The following EIF4ENIF1 variants were observed in gnomAD, a reference collection of about 807,000 sequenced individuals.
The protein encoded by EIF4ENIF1 is eukaryotic translation initiation factor 4E transporter.
A neutral mutation model predicts 110.5 loss-of-function variants in EIF4ENIF1; 23 were observed. The observed-to-expected ratio is 0.21, with a 90% CI of 0.15 to 0.29. The LOEUF is 0.29. Ranked by LOEUF, EIF4ENIF1 falls within the 10% of genes least tolerant of loss-of-function variation. The pLI, the probability that EIF4ENIF1 is intolerant of heterozygous loss-of-function variation, is 1.00. For synonymous variants in EIF4ENIF1, 440 were observed against 437.0 expected, an observed-to-expected ratio of 1.01 and a Z score of -0.09; for missense variants, 1,031 against 1,221.1, an observed-to-expected ratio of 0.84 and a Z score of 2.32.
At chr22:31,458,705 C>G in intron 6 of EIF4ENIF1, 55 bp from the exon 7 acceptor site, 1 of 1,467,862 alleles carries the variant, frequency 6.8e-7, no homozygotes, top group Non-Finnish European at 9.1e-7. Flanking sequence ...TCCAGTGTCC[C>G]TCTGTGGCTT....
chr22:31,449,634 C>CAGTTGAGCATGAGGGAG, intron 11 of EIF4ENIF1, 103 bp from the exon 12 acceptor site: 1 of 1,029,796 alleles, frequency 9.7e-7, no homozygotes, highest in Non-Finnish European at 1.4e-6. Flanking sequence ...GGATCTCCCT[C>CAGTTGAGCATGAGGGAG]ATGCTCAACT....
In EIF4ENIF1 at chr22:31,477,841, C is replaced by G. The variant is rs558725157; in HGVS notation, c.97-5924G>C. ...AGTGGCAGGGAGTCACTGTAAACAT[C>G]TAGGTAAACAGTATTTACTGTTCTT... On this transcript the variant is annotated intron_variant, in intron 2 of 18. Coordinates refer to ENST00000330125, the MANE Select transcript of EIF4ENIF1 (RefSeq NM_019843.4). Among the ~76,000 whole-genome samples, 3 of 152,278 alleles carry G rather than the reference C, an allele frequency of 2.0e-5. No individual in the cohort carries two copies. The South Asian group carries it at 6.2e-4, about 32-fold the overall frequency.
intron 2 of EIF4ENIF1, among the ~76,000 whole-genome samples, chr22:31,476,021 G>C (rs1471283463): frequency 1.3e-5 from 2 of 152,110 alleles, no homozygotes; most frequent in African/African-American, 2.4e-5. Context: ...CTGTAACACA[G>C]AAATCCTAAG....
upstream of EIF4ENIF1, among the ~76,000 whole-genome samples, chr22:31,492,947 G>A (rs1160592040): frequency 2.0e-5 from 3 of 151,898 alleles, no homozygotes; most frequent in Non-Finnish European, 2.9e-5. Flanking sequence ...GGTCAGGCTG[G>A]TCTCAAACTC....
intron 2 of EIF4ENIF1, among the ~76,000 whole-genome samples, chr22:31,486,373 A>T (rs796472091): frequency 1.8e-4 from 27 of 152,252 alleles, no homozygotes; most frequent in African/African-American, 5.8e-4. Flanking sequence ...CTGAGGCAGG[A>T]GAATCGCTTG....
chr22:31,492,632 C>T (rs2052294867), upstream of EIF4ENIF1, among the ~76,000 whole-genome samples: 1 of 152,246 alleles, frequency 6.6e-6, no homozygotes, highest in Non-Finnish European at 1.5e-5. Flanking sequence ...CCCTAAACTT[C>T]TTTCACCTGT....
downstream of EIF4ENIF1, chr22:31,437,450 T>TCCCCCCCCCCCCC (rs368145036): frequency 6.4e-5 from 8 of 125,006 alleles, no homozygotes; most frequent in Admixed American, 1.7e-4. Context: ...TTTGCCTTCA[T>TCCCCCCCCCCCCC]CCCCCCCCCA....
chr22:31,474,097 G>A (rs945207641), intron 2 of EIF4ENIF1, among the ~76,000 whole-genome samples: 11 of 149,452 alleles, frequency 7.4e-5, no homozygotes, highest in African/African-American at 2.7e-4. Context: ...TTGCTCTATC[G>A]CCCAGGCTGG....
At chr22:31,445,313 T>C (rs901853938) in intron 14 of EIF4ENIF1, among the ~76,000 whole-genome samples, 4 of 152,190 alleles carry the variant, frequency 2.6e-5, no homozygotes, top group African/African-American at 9.6e-5. Context: ...ATCAAGAGTT[T>C]CAGCTATTTT....
At chr22:31,471,813 A>T (rs1465486516) in intron 3 of EIF4ENIF1, 31 bp downstream of exon 3, 2 of 1,548,600 alleles carry the variant, frequency 1.3e-6, no homozygotes, top group Non-Finnish European at 8.7e-7. Flanking sequence ...TATTGACTAG[A>T]AGTAGTTAAG....
intron 8 of EIF4ENIF1, among the ~76,000 whole-genome samples, 188 bp downstream of exon 8, chr22:31,455,664 C>T (rs1195082501): frequency 6.6e-6 from 1 of 152,174 alleles, no homozygotes; most frequent in African/African-American, 2.4e-5. Context: ...TCCCAAAGTG[C>T]TGGGATTACA....
At chr22:31,461,567 GGAGTA>G (rs1344249507) in intron 6 of EIF4ENIF1, 1 of 152,072 alleles carries the variant, frequency 6.6e-6, no homozygotes, top group Non-Finnish European at 1.5e-5. Context: ...CCAGTAGCCG[GGAGTA>G]CAGGCATGCG....
At chr22:31,445,187 G>A (rs2050423776) in intron 14 of EIF4ENIF1, among the ~76,000 whole-genome samples, 1 of 152,204 alleles carries the variant, frequency 6.6e-6, no homozygotes, top group South Asian at 2.1e-4. Context: ...GTGCGCTAGG[G>A]AGGGCCTTCA....
chr22:31,444,475 T>C (rs769240088), intron 15 of EIF4ENIF1, 131 bp downstream of exon 15: 9 of 853,668 alleles, frequency 1.1e-5, no homozygotes, highest in African/African-American at 3.3e-5. Flanking sequence ...TAGACAGTTA[T>C]GAAAAACTAC....
intron 2 of EIF4ENIF1, among the ~76,000 whole-genome samples, chr22:31,486,459 G>A (rs1033708228): frequency 1.3e-5 from 2 of 151,050 alleles, no homozygotes; most frequent in Non-Finnish European, 3.0e-5. Context: ...GTGAGACTCC[G>A]GCTCAAAAAA....
chr22:31,471,645 T>C (rs2051384042), intron 3 of EIF4ENIF1, among the ~76,000 whole-genome samples, 199 bp downstream of exon 3: 1 of 152,222 alleles, frequency 6.6e-6, no homozygotes, highest in African/African-American at 2.4e-5. Flanking sequence ...TTTCTGACTA[T>C]GTGACTCTGA....
At chr22:31,476,727 T>C (rs2051585259) in intron 2 of EIF4ENIF1, among the ~76,000 whole-genome samples, 1 of 151,906 alleles carries the variant, frequency 6.6e-6, no homozygotes, top group African/African-American at 2.4e-5. Flanking sequence ...TCCCAGCTAC[T>C]TGGGAGACTC....
intron 2 of EIF4ENIF1, among the ~76,000 whole-genome samples, chr22:31,477,687 A>G (rs1253707481): frequency 1.3e-5 from 2 of 152,204 alleles, no homozygotes; most frequent in Non-Finnish European, 2.9e-5. Flanking sequence ...CAGCAACATT[A>G]TTTGTGCCAG....
intron 3 of EIF4ENIF1, among the ~76,000 whole-genome samples, chr22:31,470,072 G>A (rs571442204): frequency 2.7e-5 from 4 of 149,578 alleles, no homozygotes; most frequent in East Asian, 2.0e-4. Flanking sequence ...GCTGAGGCAG[G>A]AGAATCGCTT....
Sources: gnomAD v4.1 joint callset for allele counts (sites outside exome capture counted in the v4.1 genomes callset) on GRCh38, gnomAD v4.1.1 for gene constraint, MANE v1.5 for transcripts, NCBI Gene and HGNC (gene_info 2026-07-23, HGNC 2026-07-21) for gene names.